SLC38A1: variants seen among roughly 807,000 people sequenced by gnomAD.
The protein encoded by SLC38A1 is solute carrier family 38 member 1, also known as sodium-coupled neutral amino acid symporter 1.
A neutral mutation model predicts 60.3 loss-of-function variants in SLC38A1; 18 were observed. That is an observed-to-expected ratio of 0.30 (90% CI 0.21 to 0.44). The LOEUF (loss-of-function observed/expected upper bound fraction) is 0.44. Ranked by LOEUF, SLC38A1 falls within the 20% of genes least tolerant of loss-of-function variation. SLC38A1 has a pLI of 1.00. For missense variants in SLC38A1, 448 were observed against 587.2 expected (o/e 0.76, Z 2.45); for synonymous variants, 196 against 212.1 (o/e 0.92, Z 0.66).
chr12:46,245,562 C>A (rs926255824), intron 1 of SLC38A1, among the ~76,000 whole-genome samples: 2 of 152,082 alleles, frequency 1.3e-5, no homozygotes, highest in East Asian at 3.9e-4. Flanking sequence ...AGGTTCCTAA[C>A]AAAATTAAAA....
intron 5 of SLC38A1, among the ~76,000 whole-genome samples, chr12:46,221,940 A>G (rs576299468): frequency 5.9e-5 from 9 of 152,262 alleles, no homozygotes; most frequent in African/African-American, 2.2e-4. Flanking sequence ...CAGAAGACAG[A>G]GATGAGACAG....
At chr12:46,223,804 A>G (rs534632067) in intron 5 of SLC38A1, among the ~76,000 whole-genome samples, 61 of 152,276 alleles carry the variant, frequency 4.0e-4, no homozygotes, top group African/African-American at 1.4e-3. Flanking sequence ...ATGGTTTTCA[A>G]CTTAAGGACT....
chr12:46,222,164 T>C (rs867699665), intron 5 of SLC38A1, among the ~76,000 whole-genome samples: 1 of 152,168 alleles, frequency 6.6e-6, no homozygotes, highest in Non-Finnish European at 1.5e-5. Flanking sequence ...TCTCTCAAGT[T>C]TTTAGCAGGT....
chr12:46,207,771 A>T, intron 6 of SLC38A1, 150 bp from the exon 7 acceptor site: 1 of 680,602 alleles, frequency 1.5e-6, no homozygotes, highest in Non-Finnish European at 2.6e-6. Context: ...TTCAGGGGTT[A>T]AGGTATCCTC....
intron 1 of SLC38A1, among the ~76,000 whole-genome samples, chr12:46,255,940 G>T (rs1942004855): frequency 6.6e-6 from 1 of 152,084 alleles, no homozygotes; most frequent in African/African-American, 2.4e-5. Context: ...GAGGCGGGTG[G>T]ATCACAAGGT....
At chr12:46,246,890 G>C (rs1941639915) in intron 1 of SLC38A1, among the ~76,000 whole-genome samples, 1 of 152,196 alleles carries the variant, frequency 6.6e-6, no homozygotes, top group South Asian at 2.1e-4. Flanking sequence ...TGGGCAAACA[G>C]GGTCTGGAAA....
intron 5 of SLC38A1, among the ~76,000 whole-genome samples, chr12:46,226,862 C>G (rs1940886408): frequency 6.6e-6 from 1 of 152,012 alleles, no homozygotes; most frequent in East Asian, 1.9e-4. Flanking sequence ...CCAGGTGATC[C>G]ACCGGCCTCA....
Position 46,198,607 on chromosome 12 carries a change from A to C in SLC38A1, c.1122+18T>G, listed in dbSNP as rs745967090. ...GAGACCTCAGCTTTTCTCATATTGC[A>C]CAGAGGCCCTTACTCACCGTGAAAA... On this transcript the variant is annotated intron_variant, in intron 14 of 16. Coordinates refer to ENST00000398637, the MANE Select transcript of SLC38A1 (RefSeq NM_030674.4). 7.1e-6 allele frequency: 11 copies of C among 1,545,842 alleles called. No homozygotes were observed. In the South Asian group the frequency reaches 9.3e-5, roughly 13 times the overall value.
At chr12:46,241,176 C>T (rs1006736848) in intron 2 of SLC38A1, among the ~76,000 whole-genome samples, 10 of 152,130 alleles carry the variant, frequency 6.6e-5, no homozygotes, top group African/African-American at 2.4e-4. Flanking sequence ...ATGTCATTAG[C>T]AAATCCCCTT....
At chr12:46,211,686 T>C (rs1221606153) in intron 5 of SLC38A1, among the ~76,000 whole-genome samples, 2 of 152,164 alleles carry the variant, frequency 1.3e-5, no homozygotes, top group Non-Finnish European at 2.9e-5. Flanking sequence ...TTTAGTAGTG[T>C]TCACTTATCT....
At chr12:46,236,089 A>G (rs1941248280) in intron 3 of SLC38A1, among the ~76,000 whole-genome samples, 1 of 152,222 alleles carries the variant, frequency 6.6e-6, no homozygotes, top group Non-Finnish European at 1.5e-5. Flanking sequence ...ATTGCCAGAC[A>G]CTGTGCCAAG....
rs1452671423 is a variant in SLC38A1, at chr12:46,188,394, C to T, written c.*576G>A. On this transcript the variant is annotated 3_prime_UTR_variant, in exon 17 of 17. Coordinates refer to ENST00000398637, the MANE Select transcript of SLC38A1 (RefSeq NM_030674.4). ...TTCAGCTGCCAGGAAATCAGAGCCA[C>T]CTCAAATATTGGGCATGCTCTGATT... is the stretch of plus-strand genomic sequence containing the variant. The T allele has an allele frequency of 1.3e-5, 2 of 152,780 alleles. No homozygotes were observed. The highest frequency in any genetic ancestry group is 6.5e-5 in the Admixed American group (1 of 15,288). 9.5% of individuals were successfully genotyped at this position (152,780 alleles called of 1,614,324 possible). A position where few individuals can be genotyped will look rare whatever the true frequency, so the allele number is the denominator to read the frequency against.
At chr12:46,221,540 TA>T (rs1011932687) in intron 5 of SLC38A1, among the ~76,000 whole-genome samples, 1 of 152,232 alleles carries the variant, frequency 6.6e-6, no homozygotes. Context: ...TTCTCTCTGA[TA>T]AATTTGCAAC....
intron 13 of SLC38A1, among the ~76,000 whole-genome samples, 194 bp downstream of exon 13, chr12:46,200,904 G>A (rs1009792752): frequency 1.3e-5 from 2 of 152,158 alleles, no homozygotes; most frequent in Admixed American, 6.5e-5. Context: ...AATATTGTTT[G>A]AGTAATTATT....
chr12:46,212,716 G>T (rs1378132378), intron 5 of SLC38A1, among the ~76,000 whole-genome samples: 3 of 152,178 alleles, frequency 2.0e-5, no homozygotes, highest in Non-Finnish European at 4.4e-5. Flanking sequence ...CTTTCAGAGA[G>T]AACCTAGTCC....
In SLC38A1 at chr12:46,183,298, C is replaced by T. The variant is rs1485020357; in HGVS notation, c.*5672G>A. On this transcript the variant is annotated 3_prime_UTR_variant, in exon 17 of 17. Coordinates refer to ENST00000398637, the MANE Select transcript of SLC38A1 (RefSeq NM_030674.4). ...AGTAGTGTGGTACATGTATTGGACT[C>T]AGATGAAGTCTAAAGTACACTGGAC... 3.3e-5 allele frequency: 5 copies of T among 152,146 alleles called. No individual in the cohort carries two copies. The highest frequency in any genetic ancestry group is 3.3e-4 in the Admixed American group (5 of 15,272). The allele number at this position is 152,146 out of a possible 1,614,324, so 9.4% of individuals were successfully genotyped here. A position where few individuals can be genotyped will look rare whatever the true frequency, so the allele number is the denominator to read the frequency against.
intron 3 of SLC38A1, among the ~76,000 whole-genome samples, chr12:46,237,096 T>C (rs1941286058): frequency 6.6e-6 from 1 of 152,256 alleles, no homozygotes; most frequent in South Asian, 2.1e-4. Flanking sequence ...TTGTATCCAA[T>C]TGCAAAGTTT....
rs115282906 is a variant in SLC38A1 at position 46,240,970 on chromosome 12, A to G, written c.-93-1077T>C. 3.9e-3 allele frequency among the ~76,000 whole-genome samples: 590 copies of G among 152,308 alleles called. 4 individuals carry two copies. Among genetic ancestry groups the G allele is most frequent in the African/African-American group, 0.013 (529 of 41,578 alleles). On this transcript the variant is annotated intron_variant, in intron 2 of 16. Coordinates refer to ENST00000398637, the MANE Select transcript of SLC38A1 (RefSeq NM_030674.4). The stretch of plus-strand genomic sequence containing the variant: ...GGCACAGCAGCCTCACGAATTAAAA[A>G]GCAGATGGCTTGTCTATGGCCATGC...
At chr12:46,257,225 G>A (rs1401206489) in intron 1 of SLC38A1, among the ~76,000 whole-genome samples, 1 of 152,206 alleles carries the variant, frequency 6.6e-6, no homozygotes, top group Non-Finnish European at 1.5e-5. Context: ...GCCATCAGCA[G>A]AGACTGCCAG....
Sources: allele counts gnomAD v4.1 joint callset (sites outside exome capture counted in the v4.1 genomes callset), GRCh38; gene constraint gnomAD v4.1.1; transcripts MANE v1.5; gene names NCBI Gene and HGNC (gene_info 2026-07-23, HGNC 2026-07-21).